Variants in RBM6 observed in about 807,000 individuals in gnomAD.
RBM6 encodes RNA-binding protein 6.
Under a neutral mutation model 140.4 loss-of-function variants are expected in RBM6, and 23 were observed. The ratio of observed to expected loss-of-function variants is 0.16; its 90% confidence interval spans 0.12 to 0.23. The LOEUF (loss-of-function observed/expected upper bound fraction) is 0.23. RBM6 is among the 10% of genes least tolerant of loss of function. The probability of loss-of-function intolerance (pLI) is 1.00; values close to 1 mark genes in which losing one functional copy is unlikely to be tolerated. For synonymous variants in RBM6, 439 were observed against 475.6 expected (o/e 0.92, Z 1.00); for missense variants, 1,139 against 1,386.7 (o/e 0.82, Z 2.84).
At chr3:49,943,010 T>A (rs1160777719) in intron 1 of RBM6, among the ~76,000 whole-genome samples, 1 of 152,238 alleles carries the variant, frequency 6.6e-6, no homozygotes, top group East Asian at 1.9e-4. Context: ...ATTGTCCTTT[T>A]TTGTGTCTGG....
intron 10 of RBM6, chr3:50,059,448 C>G: frequency 4.5e-6 from 2 of 448,702 alleles, no homozygotes; most frequent in Admixed American, 4.1e-5. Flanking sequence ...TATTCTGATT[C>G]CTGTTCCAAT....
chr3:50,046,622 A>G (rs2089241461), intron 6 of RBM6, among the ~76,000 whole-genome samples: 1 of 150,382 alleles, frequency 6.6e-6, no homozygotes, highest in African/African-American at 2.4e-5. Context: ...CTTCATCTTG[A>G]CTAACTTCCT....
intron 1 of RBM6, among the ~76,000 whole-genome samples, chr3:49,946,366 G>A (rs1329474989): frequency 6.6e-6 from 1 of 151,542 alleles, no homozygotes; most frequent in Non-Finnish European, 1.5e-5. Flanking sequence ...TCAGCCTCCC[G>A]AGTAACTGGG....
intron 5 of RBM6, among the ~76,000 whole-genome samples, chr3:49,985,455 G>T (rs1340623319): frequency 6.6e-6 from 1 of 151,986 alleles, no homozygotes; most frequent in Non-Finnish European, 1.5e-5. Context: ...ATTTTTGCCT[G>T]GTTCCATGTT....
chr3:49,975,525 A>C (rs1208164957), intron 5 of RBM6, 133 bp downstream of exon 5: 1 of 713,386 alleles, frequency 1.4e-6, no homozygotes, highest in Non-Finnish European at 2.5e-6. Flanking sequence ...GGTGCCTCCA[A>C]ATAACAACCA....
intron 1 of RBM6, among the ~76,000 whole-genome samples, chr3:49,962,363 C>T (rs544532325): frequency 3.0e-4 from 46 of 151,054 alleles, no homozygotes; most frequent in Admixed American, 1.4e-3. Context: ...TGCTTGAACC[C>T]GGAGGTTGCA....
intron 6 of RBM6, among the ~76,000 whole-genome samples, chr3:50,015,448 T>G (rs2087087453): frequency 6.7e-6 from 1 of 148,890 alleles, no homozygotes; most frequent in Non-Finnish European, 1.5e-5. Flanking sequence ...TTTTTTTTTT[T>G]GAGATGGAGC....
intron 13 of RBM6, 60 bp downstream of exon 13, chr3:50,061,281 T>G: frequency 1.2e-6 from 2 of 1,610,190 alleles, no homozygotes; most frequent in South Asian, 2.2e-5. Context: ...ACTCATTACT[T>G]GACATCTGTG....
At chr3:50,053,722 T>G (rs1222659489) in intron 7 of RBM6, among the ~76,000 whole-genome samples, 1 of 152,216 alleles carries the variant, frequency 6.6e-6, no homozygotes, top group Non-Finnish European at 1.5e-5. Context: ...TGGCAAAAGT[T>G]CAGGGATTTC....
intron 6 of RBM6, among the ~76,000 whole-genome samples, chr3:50,007,380 T>G (rs11711814): frequency 0.063 from 9,429 of 150,722 alleles, 420 homozygotes; most frequent in Non-Finnish European, 0.091. Context: ...AGAGACGGGG[T>G]TTTGCCATAT....
rs777359549 is a variant in RBM6, at chr3:50,075,132, G to A, written c.3117-69G>A. 11 of 1,570,960 alleles carry A rather than the reference G, an allele frequency of 7.0e-6. No homozygotes were observed. In the Admixed American group the frequency reaches 1.5e-4, roughly 21 times the overall value. ...GTTCGAGCCATTGCACTCCAGCCTG[G>A]GCAAAAAGAGTGAAACTCCGTCTCA... On this transcript the variant is annotated intron_variant, in intron 19 of 20. Coordinates refer to ENST00000266022, the MANE Select transcript of RBM6 (RefSeq NM_005777.3).
At chr3:49,979,101 G>C (rs922745890) in intron 5 of RBM6, among the ~76,000 whole-genome samples, 4 of 152,126 alleles carry the variant, frequency 2.6e-5, no homozygotes, top group African/African-American at 9.7e-5. Flanking sequence ...ACTACCATAA[G>C]GAGGAATGAA....
intron 6 of RBM6, among the ~76,000 whole-genome samples, chr3:50,033,529 G>A (rs965172577): frequency 6.6e-6 from 1 of 152,172 alleles, no homozygotes; most frequent in Non-Finnish European, 1.5e-5. Context: ...ATATGCTGTG[G>A]AACATCCAGC....
At chr3:49,958,557 C>T (rs1044112851) in intron 1 of RBM6, among the ~76,000 whole-genome samples, 3 of 150,470 alleles carry the variant, frequency 2.0e-5, no homozygotes, top group African/African-American at 4.9e-5. Flanking sequence ...GCCTGGGAGA[C>T]AGCAAGACTC....
intron 11 of RBM6, 150 bp downstream of exon 11, chr3:50,059,896 C>G: frequency 1.8e-6 from 1 of 564,152 alleles, no homozygotes; most frequent in Non-Finnish European, 3.1e-6. Context: ...CTTTCTGAAG[C>G]CTGACTTGTC....
intron 5 of RBM6, among the ~76,000 whole-genome samples, chr3:49,993,345 G>A (rs980183247): frequency 2.6e-5 from 4 of 152,104 alleles, no homozygotes; most frequent in African/African-American, 7.2e-5. Context: ...ATAGATCCAC[G>A]TGTAGTTTTT....
At chr3:49,988,372 A>G (rs1288410882) in intron 5 of RBM6, among the ~76,000 whole-genome samples, 1 of 151,592 alleles carries the variant, frequency 6.6e-6, no homozygotes, top group Non-Finnish European at 1.5e-5. Flanking sequence ...TTGAACTCCT[A>G]AGCTCAAACA....
chr3:49,956,160 G>A (rs191476155), intron 1 of RBM6, among the ~76,000 whole-genome samples: 4 of 151,570 alleles, frequency 2.6e-5, no homozygotes, highest in African/African-American at 7.3e-5. Context: ...GTAGCTGGTA[G>A]TATAGGTGTG....
intron 5 of RBM6, 86 bp downstream of exon 5, chr3:49,975,478 A>G (rs558063475): frequency 4.3e-6 from 5 of 1,154,818 alleles, no homozygotes; most frequent in Non-Finnish European, 6.4e-6. Flanking sequence ...AATTTGTTTC[A>G]AGAAACCACA....
Sources: allele counts gnomAD v4.1 joint callset (sites outside exome capture counted in the v4.1 genomes callset), GRCh38; gene constraint gnomAD v4.1.1; transcripts MANE v1.5; gene names NCBI Gene and HGNC (gene_info 2026-07-23, HGNC 2026-07-21).